Variants in CDKAL1 observed in about 807,000 individuals in gnomAD.
CDKAL1 encodes threonylcarbamoyladenosine tRNA methylthiotransferase.
CDKAL1 carries 32 observed loss-of-function variants against 68.2 expected under a neutral mutation model. The ratio of observed to expected loss-of-function variants is 0.47; its 90% CI spans 0.35 to 0.63. The LOEUF (loss-of-function observed/expected upper bound fraction) is 0.63, where lower values mean the gene tolerates loss of function less well. Among genes scored for constraint, CDKAL1 ranks in the 30% least tolerant of loss-of-function variants. The probability of loss-of-function intolerance (pLI) is 0.00; values close to 1 mark genes in which losing one functional copy is unlikely to be tolerated. For missense variants in CDKAL1, 606 were observed against 696.7 expected (o/e 0.87, Z 1.47); for synonymous variants, 234 against 244.3 (o/e 0.96, Z 0.39).
At chr6:20,943,341 A>G (rs1764079045) in intron 9 of CDKAL1, among the ~76,000 whole-genome samples, 1 of 72,034 alleles carries the variant, frequency 1.4e-5, no homozygotes. Context: ...AAAAAAAAAA[A>G]AAAGAAAAAG....
intron 7 of CDKAL1, among the ~76,000 whole-genome samples, chr6:20,772,506 CT>C (rs1305400520): frequency 6.6e-6 from 1 of 152,184 alleles, no homozygotes; most frequent in Non-Finnish European, 1.5e-5. Flanking sequence ...AAATTAAATA[CT>C]TACTGTAATT....
intron 10 of CDKAL1, among the ~76,000 whole-genome samples, chr6:20,976,194 A>G (rs568310676): frequency 1.3e-5 from 2 of 152,288 alleles, no homozygotes; most frequent in South Asian, 4.1e-4. Context: ...TTCTGGCCTC[A>G]GAACTCATTT....
intron 8 of CDKAL1, among the ~76,000 whole-genome samples, chr6:20,817,851 A>G (rs991316077): frequency 5.3e-5 from 8 of 152,040 alleles, no homozygotes; most frequent in Non-Finnish European, 8.8e-5. Flanking sequence ...AGGAACTTTT[A>G]TCATAGGGTG....
chr6:21,007,210 A>G (rs1480938114), intron 11 of CDKAL1, among the ~76,000 whole-genome samples: 1 of 152,104 alleles, frequency 6.6e-6, no homozygotes, highest in African/African-American at 2.4e-5. Context: ...AGGCTGAGGC[A>G]GACAGATTGC....
At chr6:21,198,185 G>T in intron 14 of CDKAL1, 81 bp downstream of exon 14, 1 of 894,628 alleles carries the variant, frequency 1.1e-6, no homozygotes, top group Non-Finnish European at 1.8e-6. Context: ...CATTTAAAGG[G>T]GAGAGTGTTG....
intron 13 of CDKAL1, among the ~76,000 whole-genome samples, chr6:21,173,328 C>T (rs754272268): frequency 1.3e-5 from 2 of 151,970 alleles, no homozygotes; most frequent in African/African-American, 4.8e-5. Context: ...TTCTTCCATG[C>T]GTAATGGTCT....
intron 9 of CDKAL1, among the ~76,000 whole-genome samples, chr6:20,887,541 G>A (rs1761130519): frequency 6.6e-6 from 1 of 150,832 alleles, no homozygotes; most frequent in African/African-American, 2.4e-5. Context: ...ATTATGCTGA[G>A]TAAAAGAAGC....
chr6:20,631,641 T>G (rs1327798897), intron 4 of CDKAL1, among the ~76,000 whole-genome samples: 1 of 152,214 alleles, frequency 6.6e-6, no homozygotes, highest in African/African-American at 2.4e-5. Context: ...AAGGCAAATG[T>G]TAGAACCTCA....
chr6:20,981,856 T>C (rs1581958592), intron 10 of CDKAL1, among the ~76,000 whole-genome samples: 1 of 152,160 alleles, frequency 6.6e-6, no homozygotes, highest in East Asian at 1.9e-4. Context: ...GAAAAGAAAA[T>C]TGTTGATGGT....
chr6:20,549,176 C>T (rs933437334), intron 4 of CDKAL1, among the ~76,000 whole-genome samples: 2 of 152,026 alleles, frequency 1.3e-5, no homozygotes, highest in Non-Finnish European at 2.9e-5. Context: ...TTTTTCTTGT[C>T]TTCTGTGACC....
intron 13 of CDKAL1, among the ~76,000 whole-genome samples, chr6:21,154,028 A>T (rs940776272): frequency 1.2e-4 from 18 of 152,084 alleles, no homozygotes; most frequent in African/African-American, 3.9e-4. Flanking sequence ...CCTGCCTTTT[A>T]CTAGCTGTGT....
At chr6:20,611,203 T>C (rs1350384987) in intron 4 of CDKAL1, among the ~76,000 whole-genome samples, 1 of 152,308 alleles carries the variant, frequency 6.6e-6, no homozygotes, top group South Asian at 2.1e-4. Flanking sequence ...TTCAGCTACT[T>C]CATGCTTAGG....
chr6:20,860,771 A>G (rs1424086416), intron 9 of CDKAL1, among the ~76,000 whole-genome samples: 1 of 151,744 alleles, frequency 6.6e-6, no homozygotes, highest in Non-Finnish European at 1.5e-5. Flanking sequence ...TTGCAGGGAG[A>G]TGAGATCGCA....
intron 8 of CDKAL1, among the ~76,000 whole-genome samples, chr6:20,793,894 C>T (rs919558169): frequency 6.7e-6 from 1 of 149,410 alleles, no homozygotes; most frequent in African/African-American, 2.4e-5. Flanking sequence ...GACTGAGACT[C>T]ATGCATAGAA....
intron 11 of CDKAL1, among the ~76,000 whole-genome samples, chr6:21,006,529 A>G (rs141075276): frequency 4.5e-4 from 69 of 152,272 alleles, no homozygotes; most frequent in African/African-American, 1.6e-3. Context: ...TCTTTTGCCA[A>G]ATTTCTTTCT....
At chr6:21,173,268 C>T (rs1777462440) in intron 13 of CDKAL1, among the ~76,000 whole-genome samples, 1 of 151,808 alleles carries the variant, frequency 6.6e-6, no homozygotes, top group Non-Finnish European at 1.5e-5. Context: ...TGGAGTTGTT[C>T]CTCTTTTTCT....
chr6:21,211,381 G>A (rs551421278), intron 15 of CDKAL1, among the ~76,000 whole-genome samples: 33 of 152,314 alleles, frequency 2.2e-4, no homozygotes, highest in Non-Finnish European at 4.1e-4. Context: ...GTTAGGCTGC[G>A]CTTCGGTAAC....
intron 4 of CDKAL1, among the ~76,000 whole-genome samples, chr6:20,564,190 T>G (rs1365172478): frequency 6.6e-6 from 1 of 152,218 alleles, no homozygotes; most frequent in Non-Finnish European, 1.5e-5. Flanking sequence ...GTGAATTACC[T>G]GAGGCCAGGA....
chr6:21,083,083 C>T (rs938288704), intron 12 of CDKAL1, among the ~76,000 whole-genome samples: 3 of 151,924 alleles, frequency 2.0e-5, no homozygotes, highest in African/African-American at 4.8e-5. Flanking sequence ...CCGGAGTGGT[C>T]GCAAACTCCT....
Sources: allele counts gnomAD v4.1 joint callset (sites outside exome capture counted in the v4.1 genomes callset), GRCh38; gene constraint gnomAD v4.1.1; transcripts MANE v1.5; gene names NCBI Gene and HGNC (gene_info 2026-07-23, HGNC 2026-07-21).